Variants in LRP1B observed in about 807,000 individuals in gnomAD.
The protein encoded by LRP1B is low-density lipoprotein receptor-related protein 1B.
A neutral mutation model predicts 556.6 loss-of-function variants in LRP1B; 217 were observed. The ratio of observed to expected loss-of-function variants is 0.39; its 90% CI spans 0.35 to 0.44. The LOEUF (loss-of-function observed/expected upper bound fraction) is 0.44. Among genes scored for constraint, LRP1B ranks in the 20% least tolerant of loss-of-function variants. The pLI, the probability that LRP1B is intolerant of heterozygous loss-of-function variation, is 1.00. For missense variants in LRP1B, 5,053 were observed against 5,620.8 expected (o/e 0.90, Z 3.23); for synonymous variants, 2,047 against 1,865.8 (o/e 1.10, Z -2.50).
chr2:141,060,519 T>C (rs1699305784), intron 8 of LRP1B, among the ~76,000 whole-genome samples: 2 of 151,738 alleles, frequency 1.3e-5, no homozygotes, highest in Admixed American at 6.6e-5. Flanking sequence ...TCAAGACTCT[T>C]CCTTTGCCAT....
intron 29 of LRP1B, among the ~76,000 whole-genome samples, chr2:140,848,356 T>C (rs533579054): frequency 4.6e-5 from 7 of 152,332 alleles, no homozygotes; most frequent in African/African-American, 1.7e-4. Context: ...TTCAGCAAGT[T>C]CGAAATAAAT....
chr2:141,318,203 T>A (rs35886473), intron 3 of LRP1B, among the ~76,000 whole-genome samples: 119,160 of 152,082 alleles, frequency 0.78, 46,796 homozygotes, highest in Middle Eastern at 0.86. Context: ...CCATACCAGG[T>A]ACTACACTAA....
At chr2:140,544,323 T>C (rs754504974) in intron 43 of LRP1B, among the ~76,000 whole-genome samples, 1 of 151,900 alleles carries the variant, frequency 6.6e-6, no homozygotes, top group Non-Finnish European at 1.5e-5. Context: ...ATCACAGGGG[T>C]ATTAACTTTT....
intron 7 of LRP1B, among the ~76,000 whole-genome samples, chr2:141,186,067 A>G (rs1013307091): frequency 6.0e-5 from 6 of 100,656 alleles, no homozygotes; most frequent in Middle Eastern, 0.014. Flanking sequence ...CGATAGAACG[A>G]GACTCTGTCT....
chr2:140,531,079 C>T (rs1690671355), intron 47 of LRP1B, among the ~76,000 whole-genome samples: 1 of 152,252 alleles, frequency 6.6e-6, no homozygotes. Flanking sequence ...TAAACCCAAA[C>T]ACACTAATTC....
rs1446949792 is a variant in LRP1B at position 140,385,873 on chromosome 2, A to T, written c.10531+20T>A. ...AATGGGCTGTCAAGCTCAAAACATTATTAGGCAAGAGTTACTTACTACAGT... is the reference window on the plus strand; with the variant it reads ...AATGGGCTGTCAAGCTCAAAACATTTTTAGGCAAGAGTTACTTACTACAGT... On this transcript the variant is annotated intron_variant, in intron 67 of 90. Transcript: ENST00000389484. The T allele has an allele frequency of 2.6e-6, 4 of 1,524,572 alleles. No individual in the cohort carries two copies. In the East Asian group the frequency reaches 9.0e-5, roughly 34 times the overall value. The allele number at this position is 1,524,572 out of a possible 1,614,324, so 94.4% of individuals were successfully genotyped here.
At chr2:140,564,646 A>C (rs1438540789) in intron 43 of LRP1B, among the ~76,000 whole-genome samples, 1 of 152,130 alleles carries the variant, frequency 6.6e-6, no homozygotes, top group Non-Finnish European at 1.5e-5. Flanking sequence ...ACAGCATAAA[A>C]ATGGAAACTC....
intron 3 of LRP1B, among the ~76,000 whole-genome samples, chr2:141,288,338 GT>G (rs1685804740): frequency 6.6e-6 from 1 of 151,652 alleles, no homozygotes; most frequent in Non-Finnish European, 1.5e-5. Context: ...GAAGAAAGAA[GT>G]TAACATTAAT....
At chr2:140,690,629 C>G (rs780615805) in intron 41 of LRP1B, among the ~76,000 whole-genome samples, 1 of 152,104 alleles carries the variant, frequency 6.6e-6, no homozygotes, top group Non-Finnish European at 1.5e-5. Context: ...TAGCTTGCAA[C>G]AAAATGAAGA....
At chr2:140,377,873 G>A (rs1353566434) in intron 68 of LRP1B, among the ~76,000 whole-genome samples, 2 of 152,132 alleles carry the variant, frequency 1.3e-5, no homozygotes, top group African/African-American at 4.8e-5. Flanking sequence ...GCAAATTTAT[G>A]AACTAATTCA....
chr2:142,044,796 C>T lies in LRP1B; in HGVS notation c.82+85852G>A, dbSNP rs564050506. On this transcript the variant is annotated intron_variant, in intron 1 of 90. Transcript: ENST00000389484. ...AACACGCAATTAACATGAAAATTAA[C>T]GGTTAACAAAAAAGGAAAGTTACAG... Among the ~76,000 whole-genome samples, 180 of 147,872 alleles carry T rather than the reference C, an allele frequency of 1.2e-3. 1 individual carries two copies. The highest frequency in any genetic ancestry group is 4.3e-3 in the African/African-American group (176 of 40,588).
chr2:140,894,458 T>C (rs1262336188), intron 23 of LRP1B, among the ~76,000 whole-genome samples: 2 of 151,658 alleles, frequency 1.3e-5, no homozygotes, highest in Admixed American at 6.6e-5. Context: ...GAAAAAAAAT[T>C]AAGACATGGA....
intron 2 of LRP1B, among the ~76,000 whole-genome samples, chr2:141,616,741 T>C (rs1228438603): frequency 2.0e-5 from 3 of 152,240 alleles, no homozygotes; most frequent in Non-Finnish European, 2.9e-5. Context: ...CAAACATCCA[T>C]CTGTGGCTTC....
At chr2:140,858,300 G>T (rs1692678581) in intron 27 of LRP1B, among the ~76,000 whole-genome samples, 1 of 151,682 alleles carries the variant, frequency 6.6e-6, no homozygotes, top group Non-Finnish European at 1.5e-5. Flanking sequence ...TTTAAAATAG[G>T]ATACATGTTA....
At chr2:141,011,151 T>C (rs1268197960) in intron 14 of LRP1B, among the ~76,000 whole-genome samples, 1 of 150,616 alleles carries the variant, frequency 6.6e-6, no homozygotes, top group African/African-American at 2.4e-5. Flanking sequence ...AAAGGAGATA[T>C]GTACTACTTA....
chr2:140,893,099 A>T (rs2105205340), intron 23 of LRP1B, among the ~76,000 whole-genome samples: 1 of 152,242 alleles, frequency 6.6e-6, no homozygotes, highest in African/African-American at 2.4e-5. Context: ...CCTAGATCCA[A>T]TTATAATGCT....
At chr2:140,557,453 G>C (rs1680774650) in intron 43 of LRP1B, among the ~76,000 whole-genome samples, 1 of 152,100 alleles carries the variant, frequency 6.6e-6, no homozygotes, top group Non-Finnish European at 1.5e-5. Flanking sequence ...ATGTGTAAAA[G>C]TGGCATCTTT....
chr2:140,399,824 T>TA, intron 66 of LRP1B, among the ~76,000 whole-genome samples: 1 of 152,360 alleles, frequency 6.6e-6, no homozygotes, highest in Admixed American at 6.5e-5. Context: ...TTAGAAGTCC[T>TA]AAACTATGAT....
chr2:140,293,389 T>TAATGGTA (rs1683473945), intron 84 of LRP1B, among the ~76,000 whole-genome samples: 1 of 152,196 alleles, frequency 6.6e-6, no homozygotes, highest in Non-Finnish European at 1.5e-5. Context: ...ACAACTTACT[T>TAATGGTA]AAAGAATACT....
Sources: gnomAD v4.1 joint callset for allele counts (sites outside exome capture counted in the v4.1 genomes callset) on GRCh38, gnomAD v4.1.1 for gene constraint, MANE v1.5 for transcripts, NCBI Gene and HGNC (gene_info 2026-07-23, HGNC 2026-07-21) for gene names.